The following PDGFRL variants were observed in gnomAD, a reference collection of about 807,000 sequenced individuals.
PDGFRL encodes platelet-derived growth factor receptor-like protein.
Under a neutral mutation model 37.2 loss-of-function variants are expected in PDGFRL, and 46 were observed. The ratio of observed to expected loss-of-function variants is 1.24; its 90% confidence interval spans 0.98 to 1.58. PDGFRL has a LOEUF of 1.58. PDGFRL is among the 40% of genes most tolerant of loss of function. The pLI is 0.00. For synonymous variants in PDGFRL, 251 were observed against 184.3 expected (o/e 1.36, Z -2.93); for missense variants, 692 against 467.6 (o/e 1.48, Z -4.43).
intron 3 of PDGFRL, among the ~76,000 whole-genome samples, chr8:17,622,411 TAGACATAGGCCTAGAC>T (rs1804652884): frequency 3.1e-5 from 2 of 63,500 alleles, no homozygotes; most frequent in African/African-American, 1.3e-4. Context: ...GACGTAGACC[TAGACATAGGCCTAGAC>T]CTAGACATAG....
At chr8:17,602,720 C>G (rs1436863039) in intron 2 of PDGFRL, among the ~76,000 whole-genome samples, 1 of 151,726 alleles carries the variant, frequency 6.6e-6, no homozygotes, top group African/African-American at 2.4e-5. Context: ...GCAGGATGCT[C>G]TTGGAGTTCT....
chr8:17,586,628 T>A (rs1803823578), intron 1 of PDGFRL, among the ~76,000 whole-genome samples: 1 of 151,956 alleles, frequency 6.6e-6, no homozygotes, highest in South Asian at 2.1e-4. Context: ...ATCATAGAGA[T>A]CTCATGTGAC....
In PDGFRL at chr8:17,642,513, T is replaced by C. The variant is rs1585343686; in HGVS notation, c.940-100T>C. The C allele has an allele frequency of 1.4e-5, 10 of 728,808 alleles. No individual in the cohort carries two copies. The East Asian group carries it at 2.6e-4, about 19-fold the overall frequency. The allele number at this position is 728,808 out of a possible 1,614,324, so 45.1% of individuals were successfully genotyped here. On this transcript the variant is annotated intron_variant, in intron 5 of 5. Transcript: ENST00000251630. ...TAAACAGTCTTTTATAAGCATGTGC[T>C]TTGCTCTCTGAAAGGAACGCTCAAC...
rs140082439 is a variant in PDGFRL at position 17,600,698 on chromosome 8, G to T, written c.353+10933G>T. ...CATGCCTGTAGTTGCAGCTACTCAGGATGCTGTGGTGAGAAGATCACTTGG... is the reference window on the plus strand; with the variant it reads ...CATGCCTGTAGTTGCAGCTACTCAGTATGCTGTGGTGAGAAGATCACTTGG... On this transcript the variant is annotated intron_variant, in intron 2 of 5. Coordinates refer to ENST00000251630, the MANE Select transcript of PDGFRL (RefSeq NM_001372073.1). 6.7e-3 allele frequency among the ~76,000 whole-genome samples: 1,024 copies of T among 151,786 alleles called. 14 individuals carry two copies. The highest frequency in any genetic ancestry group is 0.023 in the African/African-American group (964 of 41,350).
chr8:17,596,842 C>T (rs1361943051), intron 2 of PDGFRL, among the ~76,000 whole-genome samples: 1 of 152,222 alleles, frequency 6.6e-6, no homozygotes, highest in Non-Finnish European at 1.5e-5. Context: ...ATGTATTTCA[C>T]ACCAGAGATT....
At chr8:17,582,252 A>T (rs1803722634) in intron 1 of PDGFRL, among the ~76,000 whole-genome samples, 1 of 152,108 alleles carries the variant, frequency 6.6e-6, no homozygotes, top group Non-Finnish European at 1.5e-5. Context: ...AGAAATTTTT[A>T]ATCAGCAAAG....
chr8:17,641,770 A>G (rs1805098380), intron 5 of PDGFRL, among the ~76,000 whole-genome samples: 1 of 151,884 alleles, frequency 6.6e-6, no homozygotes, highest in Admixed American at 6.6e-5. Flanking sequence ...CTTCTGGCCT[A>G]TGGGCTGTGA....
chr8:17,631,209 C>G (rs186565630), intron 4 of PDGFRL, among the ~76,000 whole-genome samples: 6 of 152,238 alleles, frequency 3.9e-5, no homozygotes, highest in Non-Finnish European at 8.8e-5. Flanking sequence ...GTGAAGCACC[C>G]TCTTGCCAGC....
rs747605509 is a variant in PDGFRL at position 17,589,493 on chromosome 8, C to G, written c.81C>G (p.Asn27Lys). 6 of 1,613,384 alleles carry G rather than the reference C, an allele frequency of 3.7e-6. No individual in the cohort carries two copies. In the Admixed American group the frequency reaches 5.0e-5, roughly 13 times the overall value. ...TTACTGGCCAACACCTTCCCAAGAA[C>G]AAGCGTCCAAAAGAACCAGGAGAGA... ...EDVTGQHLPKNKRPKEPGENR... is the reference protein window; with the variant it reads ...EDVTGQHLPKKKRPKEPGENR... The change falls in exon 2 of 6, where the codon AAC (asparagine) becomes AAG (lysine). Residue 27 changes from asparagine to lysine, a missense_variant. Asn to Lys is a moderately conservative substitution (Grantham distance 94). Transcript: ENST00000251630.
At chr8:17,588,322 G>A (rs1179963031) in intron 1 of PDGFRL, among the ~76,000 whole-genome samples, 2 of 151,990 alleles carry the variant, frequency 1.3e-5, no homozygotes, top group Non-Finnish European at 2.9e-5. Flanking sequence ...CCTAGACATC[G>A]CCAGCCCCTG....
intron 1 of PDGFRL, among the ~76,000 whole-genome samples, chr8:17,588,760 C>T (rs950241307): frequency 7.2e-5 from 11 of 152,238 alleles, no homozygotes; most frequent in African/African-American, 2.6e-4. Context: ...TGTGTTTAAA[C>T]AGTAGAATCA....
intron 3 of PDGFRL, among the ~76,000 whole-genome samples, chr8:17,623,701 C>A (rs1804678206): frequency 6.6e-6 from 1 of 151,964 alleles, no homozygotes. Flanking sequence ...ATGGAGAAAT[C>A]CCATCTCTAC....
chr8:17,638,346 T>A (rs945221814), intron 5 of PDGFRL, among the ~76,000 whole-genome samples: 1 of 152,108 alleles, frequency 6.6e-6, no homozygotes, highest in East Asian at 1.9e-4. Flanking sequence ...CATGTGTTTG[T>A]ATGTTTTGAG....
At chr8:17,601,887 G>GAA (rs1804173184) in intron 2 of PDGFRL, among the ~76,000 whole-genome samples, 2 of 152,164 alleles carry the variant, frequency 1.3e-5, no homozygotes, top group South Asian at 4.1e-4. Context: ...CATCTAGGTT[G>GAA]ATTCCTTGTC....
chr8:17,585,008 A>C (rs1585297908), intron 1 of PDGFRL, among the ~76,000 whole-genome samples: 1 of 148,568 alleles, frequency 6.7e-6, no homozygotes, highest in African/African-American at 2.4e-5. Context: ...AAGGGACGGG[A>C]AATTCCTGGA....
intron 3 of PDGFRL, 151 bp downstream of exon 3, chr8:17,621,353 T>C (rs919055570): frequency 3.9e-6 from 2 of 507,984 alleles, no homozygotes. Context: ...ACATCAGTTA[T>C]TTCATGTAAG....
chr8:17,605,618 A>G (rs1804257657), intron 2 of PDGFRL, among the ~76,000 whole-genome samples: 1 of 152,202 alleles, frequency 6.6e-6, no homozygotes, highest in South Asian at 2.1e-4. Flanking sequence ...GCTTAAATAT[A>G]ACCAATCAAT....
intron 1 of PDGFRL, among the ~76,000 whole-genome samples, chr8:17,579,103 C>A (rs952230349): frequency 1.3e-5 from 2 of 151,912 alleles, no homozygotes; most frequent in Non-Finnish European, 2.9e-5. Context: ...GAGGGTGAGG[C>A]AGAGAACTGC....
Position 17,621,050 on chromosome 8 carries a change from G to T in PDGFRL, c.354-1G>T. ...TGAGTTCATGTGTCTTTTATTCCTA[G>T]CGTCAAGCAGAATGAGCGCTACGGC... On this transcript the variant is annotated splice_acceptor_variant, in intron 2 of 5. Coordinates refer to ENST00000251630, the MANE Select transcript of PDGFRL (RefSeq NM_001372073.1). LOFTEE classifies it high-confidence loss of function. 1 of 1,595,322 alleles carries T rather than the reference G, an allele frequency of 6.3e-7. No individual in the cohort carries two copies. Among genetic ancestry groups the T allele is most frequent in the South Asian group, 1.1e-5 (1 of 89,386 alleles).
Sources: allele counts gnomAD v4.1 joint callset (sites outside exome capture counted in the v4.1 genomes callset), GRCh38; gene constraint gnomAD v4.1.1; transcripts MANE v1.5; gene names NCBI Gene and HGNC (gene_info 2026-07-23, HGNC 2026-07-21).